LARP4: variants seen among roughly 807,000 people sequenced by gnomAD.
The protein encoded by LARP4 is La ribonucleoprotein 4.
A neutral mutation model predicts 92.9 loss-of-function variants in LARP4; 29 were observed. The ratio of observed to expected loss-of-function variants is 0.31; its 90% CI spans 0.23 to 0.43. LARP4 has a LOEUF of 0.43. Among genes scored for constraint, LARP4 ranks in the 20% least tolerant of loss-of-function variants. LARP4 has a pLI of 1.00. For missense variants in LARP4, 732 were observed against 860.0 expected (o/e 0.85, Z 1.86); for synonymous variants, 279 against 284.1 (o/e 0.98, Z 0.18).
chr12:50,423,751 AT>A (rs35992539), intron 1 of LARP4, among the ~76,000 whole-genome samples: 527 of 130,604 alleles, frequency 4.0e-3, no homozygotes, highest in Middle Eastern at 4.6e-3. Context: ...CCGGCCTGTA[AT>A]TTTTTTTTTT....
intron 1 of LARP4, among the ~76,000 whole-genome samples, chr12:50,406,194 G>T (rs1238171127): frequency 1.3e-5 from 2 of 152,140 alleles, no homozygotes; most frequent in Admixed American, 6.6e-5. Flanking sequence ...TTTAGGTTGG[G>T]TAACGTGTCT....
chr12:50,410,087 C>T lies in LARP4; in HGVS notation c.18+9059C>T, dbSNP rs546682654. Among the ~76,000 whole-genome samples the T allele has an allele frequency of 4.3e-5, 6 of 138,812 alleles. No homozygotes were observed. In the South Asian group the frequency reaches 9.2e-4, roughly 21 times the overall value. The allele number at this position is 138,812 out of a possible 152,430, so 91.1% of individuals were successfully genotyped here. A position where few individuals can be genotyped will look rare whatever the true frequency, so the allele number is the denominator to read the frequency against. On this transcript the variant is annotated intron_variant, in intron 1 of 15. Transcript: ENST00000398473. ...GATTACAGGTGTGAGCCACCACGCC[C>T]GGCAAAAAAAAAAAAAAGAACTATT...
At chr12:50,455,510 CAGTCTTTTGCCAG>C (rs2138380702) in intron 10 of LARP4, among the ~76,000 whole-genome samples, 1 of 152,276 alleles carries the variant, frequency 6.6e-6, no homozygotes, top group Non-Finnish European at 1.5e-5. Flanking sequence ...TTTTCAGTGA[CAGTCTTTTGCCAG>C]ATTCGATTCT....
At chr12:50,461,672 A>G (rs990998503) in intron 11 of LARP4, among the ~76,000 whole-genome samples, 6 of 152,114 alleles carry the variant, frequency 3.9e-5, no homozygotes, top group Admixed American at 1.3e-4. Context: ...AAACTATAGA[A>G]GTGGCTGGGT....
rs1003556928 is a variant in LARP4 at position 50,478,587 on chromosome 12, G to A, written c.*2723G>A. ...CTTGACATTTCCTTGATCTGTTGGAGGCTAAAAGTAGGTATAAATGATATT... is the reference window on the plus strand; with the variant it reads ...CTTGACATTTCCTTGATCTGTTGGAAGCTAAAAGTAGGTATAAATGATATT... On this transcript the variant is annotated 3_prime_UTR_variant, in exon 16 of 16. Coordinates refer to ENST00000398473, the MANE Select transcript of LARP4 (RefSeq NM_052879.5). 2 of 152,034 alleles carry A rather than the reference G, an allele frequency of 1.3e-5. No individual in the cohort carries two copies. The highest frequency in any genetic ancestry group is 2.9e-5 in the Non-Finnish European group (2 of 67,960). 9.4% of individuals were successfully genotyped at this position (152,034 alleles called of 1,614,324 possible).
chr12:50,436,250 A>G (rs565082588), intron 5 of LARP4, among the ~76,000 whole-genome samples: 9 of 151,150 alleles, frequency 6.0e-5, no homozygotes, highest in South Asian at 2.1e-4. Context: ...GTGTATGTAT[A>G]TATATATATA....
At chr12:50,472,283 A>G (rs536061132) in intron 13 of LARP4, among the ~76,000 whole-genome samples, 50 of 152,312 alleles carry the variant, frequency 3.3e-4, no homozygotes, top group Non-Finnish European at 3.7e-4. Context: ...AGAACTTACA[A>G]TCTTTCAAGA....
chr12:50,401,099 C>G, intron 1 of LARP4, 71 bp downstream of exon 1: 2 of 1,564,244 alleles, frequency 1.3e-6, no homozygotes, highest in Non-Finnish European at 1.8e-6. Flanking sequence ...CCGGTCCCAC[C>G]GCCATGTGAC....
intron 1 of LARP4, among the ~76,000 whole-genome samples, chr12:50,411,296 C>T (rs1393128056): frequency 6.6e-6 from 1 of 151,878 alleles, no homozygotes; most frequent in African/African-American, 2.4e-5. Flanking sequence ...AGTGACTCTC[C>T]TCTGCCTCCT....
At chr12:50,460,604 G>A (rs1214231218) in intron 10 of LARP4, among the ~76,000 whole-genome samples, 5 of 152,054 alleles carry the variant, frequency 3.3e-5, no homozygotes, top group South Asian at 2.1e-4. Context: ...GATTACAGGC[G>A]TGAGCCACTG....
intron 8 of LARP4, among the ~76,000 whole-genome samples, chr12:50,444,740 T>C (rs1379619001): frequency 6.6e-6 from 1 of 152,172 alleles, no homozygotes; most frequent in Non-Finnish European, 1.5e-5. Context: ...TTTCCTAATT[T>C]ATTGATGATT....
At chr12:50,402,047 G>A (rs949759581) in intron 1 of LARP4, among the ~76,000 whole-genome samples, 2 of 152,036 alleles carry the variant, frequency 1.3e-5, no homozygotes, top group Non-Finnish European at 2.9e-5. Flanking sequence ...ATGCCCATAA[G>A]AAGAATCTTT....
At chr12:50,460,858 G>A (rs1472847748) in intron 10 of LARP4, among the ~76,000 whole-genome samples, 1 of 152,136 alleles carries the variant, frequency 6.6e-6, no homozygotes, top group Non-Finnish European at 1.5e-5. Context: ...CAGGAGAATG[G>A]CGTGAACCCG....
Position 50,435,602 on chromosome 12 carries a change from T to A in LARP4, c.513T>A (p.Asp171Glu), listed in dbSNP as rs989389169. 7 of 1,604,506 alleles carry A rather than the reference T, an allele frequency of 4.4e-6. No individual in the cohort carries two copies. Among genetic ancestry groups the A allele is most frequent in the Non-Finnish European group, 5.1e-6 (6 of 1,173,788 alleles). ...EEIKKLTTDP[D>E]LILEVLRSSP... Reference sequence around the variant, plus strand: ...TAAAAAAGTTGACTACAGACCCTGATCTAATTCTTGAAGTGTTAAGATGTA... The same window carrying A: ...TAAAAAAGTTGACTACAGACCCTGAACTAATTCTTGAAGTGTTAAGATGTA... Residue 171 changes from aspartate to glutamate, a missense_variant, in exon 5 of 16, where the codon GAT becomes GAA. Asp to Glu is a conservative substitution (Grantham distance 45, BLOSUM62 2). This residue lies in a region of LARP4 where 236 missense variants were observed against 307.6 expected (regional missense o/e 0.77). Transcript: ENST00000398473.
chr12:50,408,833 G>A (rs2136327036), intron 1 of LARP4, among the ~76,000 whole-genome samples: 1 of 152,184 alleles, frequency 6.6e-6, no homozygotes, highest in Non-Finnish European at 1.5e-5. Flanking sequence ...AGTGGGTACT[G>A]AAATATTTGT....
At chr12:50,431,578 G>A (rs1253314200) in intron 4 of LARP4, among the ~76,000 whole-genome samples, 1 of 152,166 alleles carries the variant, frequency 6.6e-6, no homozygotes, top group Non-Finnish European at 1.5e-5. Flanking sequence ...CAGGCGCAGT[G>A]GCTCATGCCT....
At chr12:50,444,295 T>G (rs961630560) in intron 8 of LARP4, among the ~76,000 whole-genome samples, 25 of 152,228 alleles carry the variant, frequency 1.6e-4, no homozygotes, top group Admixed American at 1.6e-3. Context: ...AATCACTATT[T>G]TGATTATTCC....
chr12:50,428,797 C>G (rs1949203266), intron 2 of LARP4, 138 bp from the exon 3 acceptor site: 1 of 613,440 alleles, frequency 1.6e-6, no homozygotes. Context: ...AATGATAACT[C>G]TTGCTTAAAA....
intron 10 of LARP4, among the ~76,000 whole-genome samples, chr12:50,459,684 T>C (rs1954972682): frequency 6.6e-6 from 1 of 151,528 alleles, no homozygotes. Context: ...ATTATCTAGG[T>C]GTGGTGGCAC....
Sources: allele counts gnomAD v4.1 joint callset (sites outside exome capture counted in the v4.1 genomes callset), GRCh38; gene constraint gnomAD v4.1.1; regional missense constraint gnomAD v4.1.1; transcripts MANE v1.5; gene names NCBI Gene and HGNC (gene_info 2026-07-23, HGNC 2026-07-21).